The following FBN1 variants were observed in gnomAD, a reference collection of about 807,000 sequenced individuals.
FBN1 encodes fibrillin-1.
Under a neutral mutation model 365.1 loss-of-function variants are expected in FBN1, and 29 were observed. The observed-to-expected ratio is 0.08, with a 90% CI of 0.06 to 0.11. FBN1 has a LOEUF of 0.11. Ranked by LOEUF, FBN1 falls within the 10% of genes least tolerant of loss-of-function variation. FBN1 has a pLI of 1.00. For missense variants in FBN1, 2,476 were observed against 3,703.2 expected, an observed-to-expected ratio of 0.67 and a Z score of 8.60; for synonymous variants, 1,210 against 1,270.5, an observed-to-expected ratio of 0.95 and a Z score of 1.01.
At chr15:48,535,854 G>C (rs2044008471) in intron 7 of FBN1, among the ~76,000 whole-genome samples, 1 of 152,130 alleles carries the variant, frequency 6.6e-6, no homozygotes, top group African/African-American at 2.4e-5. Flanking sequence ...CCATTCTCTT[G>C]ATGTGTTGAA....
chr15:48,644,895 C>T lies in FBN1; in HGVS notation c.-126G>A. 1.1e-6 allele frequency: 1 copy of T among 944,260 alleles called. No individual in the cohort carries two copies. The highest frequency in any genetic ancestry group is 3.8e-5 in the South Asian group (1 of 26,348). The allele number at this position is 944,260 out of a possible 1,614,324, so 58.5% of individuals were successfully genotyped here. A position where few individuals can be genotyped will look rare whatever the true frequency, so the allele number is the denominator to read the frequency against. On this transcript the variant is annotated 5_prime_UTR_variant, in exon 2 of 66. Coordinates refer to ENST00000316623, the MANE Select transcript of FBN1 (RefSeq NM_000138.5). The stretch of plus-strand genomic sequence containing the variant: ...GCTATCCCGCCGCCCGTCCCCCGGG[C>T]CGGGCTCCTCCCGCCTTCTCCAGGC...
chr15:48,518,411 C>A (rs958863079), intron 10 of FBN1, among the ~76,000 whole-genome samples: 2 of 152,212 alleles, frequency 1.3e-5, no homozygotes, highest in African/African-American at 4.8e-5. Context: ...TATTAAATGA[C>A]AGTTACATTA....
rs2042854498 is a variant in FBN1, at chr15:48,410,811, T to C, written c.*179A>G. ...CATGAGAAGCCTGAGAAAGTGGTTGTTTTGAACTAGGGTAGTCACCTGTAC... is the reference window on the plus strand; with the variant it reads ...CATGAGAAGCCTGAGAAAGTGGTTGCTTTGAACTAGGGTAGTCACCTGTAC... On this transcript the variant is annotated 3_prime_UTR_variant, in exon 66 of 66. Transcript: ENST00000316623. 1.6e-6 allele frequency: 1 copy of C among 625,642 alleles called. No homozygotes were observed. Among genetic ancestry groups the C allele is most frequent in the South Asian group, 2.1e-5 (1 of 48,054 alleles). 38.8% of individuals were successfully genotyped at this position (625,642 alleles called of 1,614,324 possible). A position where few individuals can be genotyped will look rare whatever the true frequency, so the allele number is the denominator to read the frequency against.
chr15:48,446,791 C>G lies in FBN1; in HGVS notation c.5703G>C (p.Gly1901=). The G allele has an allele frequency of 6.2e-7, 1 of 1,612,114 alleles. No individual in the cohort carries two copies. Among genetic ancestry groups the G allele is most frequent in the Non-Finnish European group, 8.5e-7 (1 of 1,178,294 alleles). Residue 1901 remains glycine, a synonymous_variant, in exon 47 of 66, where the codon GGG becomes GGC. Coordinates refer to ENST00000316623, the MANE Select transcript of FBN1 (RefSeq NM_000138.5). ...CAATTGTGTTCCGGCAAGTTCCATT[C>G]CCACAGGCATCTCTTTCACATTCAT... ...DINECERDAC[G]NGTCRNTIGS... is the part of the protein sequence containing the mutation.
chr15:48,459,092 T>C (rs1250769350), intron 43 of FBN1, among the ~76,000 whole-genome samples: 2 of 152,372 alleles, frequency 1.3e-5, no homozygotes, highest in Non-Finnish European at 2.9e-5. Flanking sequence ...AGATGAAGTC[T>C]GAAGCCTTTC....
chr15:48,612,144 T>A (rs1424953536), intron 3 of FBN1, among the ~76,000 whole-genome samples: 1 of 152,180 alleles, frequency 6.6e-6, no homozygotes, highest in Non-Finnish European at 1.5e-5. Context: ...ATGTGCCAAA[T>A]AAAGGAGATG....
chr15:48,585,003 T>C (rs934806228), intron 6 of FBN1, among the ~76,000 whole-genome samples: 1 of 152,236 alleles, frequency 6.6e-6, no homozygotes, highest in Non-Finnish European at 1.5e-5. Flanking sequence ...TTCACGAGTC[T>C]TAGTTTAAAG....
At chr15:48,638,918 C>G (rs1235982098) in intron 2 of FBN1, among the ~76,000 whole-genome samples, 1 of 152,202 alleles carries the variant, frequency 6.6e-6, no homozygotes, top group Non-Finnish European at 1.5e-5. Context: ...ACCTACCACC[C>G]TCACACAAGT....
At chr15:48,414,347 C>T (rs764734833) in intron 64 of FBN1, among the ~76,000 whole-genome samples, 1 of 152,172 alleles carries the variant, frequency 6.6e-6, no homozygotes, top group Non-Finnish European at 1.5e-5. Context: ...GTCAAGAAAT[C>T]AAAGACTGCT....
At chr15:48,453,290 C>A (rs796564215) in intron 44 of FBN1, among the ~76,000 whole-genome samples, 1,178 of 32,650 alleles carry the variant, frequency 0.036, 24 homozygotes, top group African/African-American at 0.11. Context: ...AAAAATAAAA[C>A]AAACAAAAAA....
intron 35 of FBN1, 68 bp downstream of exon 35, chr15:48,472,483 C>T: frequency 7.9e-7 from 1 of 1,259,256 alleles, no homozygotes; most frequent in Non-Finnish European, 1.1e-6. Context: ...AAAAAAGCAT[C>T]AGGAATGTTT....
At position 48,613,047 on chromosome 15, in the gene FBN1, T is replaced by A; in HGVS notation, c.210A>T (p.Gly70=). 1.2e-6 allele frequency: 2 copies of A among 1,613,586 alleles called. No individual in the cohort carries two copies. The highest frequency in any genetic ancestry group is 1.7e-6 in the Non-Finnish European group (2 of 1,179,958). Residue 70 remains glycine, a synonymous_variant, in exon 3 of 66, where the codon GGA becomes GGT. Coordinates refer to ENST00000316623, the MANE Select transcript of FBN1 (RefSeq NM_000138.5). ...GATTTCCGCCAGGTAAGGTTTTCCA[T>A]CCAGGGCAACAGTAAGCATTATAAC... ...GSRYNAYCCP[G]WKTLPGGNQC... is the part of the protein sequence containing the mutation.
intron 33 of FBN1, 25 bp downstream of exon 33, chr15:48,474,492 TCCTTGATAAGC>T (rs2043403800): frequency 1.2e-6 from 2 of 1,614,158 alleles, no homozygotes; most frequent in Non-Finnish European, 1.7e-6. Flanking sequence ...ATCTATGCAG[TCCTTGATAAGC>T]AACCTCTGTT....
intron 6 of FBN1, among the ~76,000 whole-genome samples, chr15:48,555,639 G>A (rs1014939241): frequency 6.6e-6 from 1 of 152,140 alleles, no homozygotes; most frequent in African/African-American, 2.4e-5. Flanking sequence ...GGTTCCTTAG[G>A]AGGAGAGAGT....
intron 60 of FBN1, among the ~76,000 whole-genome samples, chr15:48,423,866 G>A (rs914774381): frequency 2.0e-5 from 3 of 152,190 alleles, no homozygotes; most frequent in Non-Finnish European, 4.4e-5. Context: ...GAGTGGACAT[G>A]TAAAAATTAC....
intron 41 of FBN1, 98 bp from the exon 42 acceptor site, chr15:48,463,338 T>C (rs2043295629): frequency 8.5e-7 from 1 of 1,171,586 alleles, no homozygotes; most frequent in Non-Finnish European, 1.3e-6. Context: ...AAGTTTCATT[T>C]GAATTGTATT....
intron 60 of FBN1, among the ~76,000 whole-genome samples, chr15:48,424,862 T>C (rs1316718764): frequency 6.6e-6 from 1 of 152,214 alleles, no homozygotes; most frequent in Non-Finnish European, 1.5e-5. Context: ...TTCTGTGTGA[T>C]ATTTATGTCT....
At chr15:48,446,134 T>C (rs1298983225) in intron 47 of FBN1, among the ~76,000 whole-genome samples, 1 of 152,176 alleles carries the variant, frequency 6.6e-6, no homozygotes, top group Non-Finnish European at 1.5e-5. Context: ...AAAGTAGACA[T>C]AAAAATTATA....
chr15:48,430,555 A>T (rs1023149285), intron 56 of FBN1, 116 bp downstream of exon 56: 3 of 1,196,646 alleles, frequency 2.5e-6, no homozygotes, highest in Admixed American at 3.4e-5. Context: ...ACATGCGGTT[A>T]AGAGAACAAA....
Sources: allele counts gnomAD v4.1 joint callset (sites outside exome capture counted in the v4.1 genomes callset), GRCh38; gene constraint gnomAD v4.1.1; transcripts MANE v1.5; gene names NCBI Gene and HGNC (gene_info 2026-07-23, HGNC 2026-07-21).